The following TMEM278 variants were observed in gnomAD, a reference collection of about 807,000 sequenced individuals.
TMEM278 encodes the protein transmembrane protein 278.
the TMEM278 span, chr1:1,427,683 G>A: frequency 2.3e-6 from 3 of 1,331,156 alleles, no homozygotes; most frequent in Admixed American, 3.2e-5. Flanking sequence ...CGCCCGCCTA[G>A]CCCGGCGCCT....
At chr1:1,426,840 C>T in the TMEM278 span, among the ~76,000 whole-genome samples, 13 of 152,022 alleles carry the variant, frequency 8.6e-5, no homozygotes, top group African/African-American at 2.9e-4. Context: ...TCTGCTGGCA[C>T]GGGGGCTGGC....
the TMEM278 span, among the ~76,000 whole-genome samples, chr1:1,426,926 C>T: frequency 6.6e-6 from 1 of 151,844 alleles, no homozygotes; most frequent in Non-Finnish European, 1.5e-5. Context: ...CTGAGCCTCC[C>T]CTCAAGGGAC....
At chr1:1,426,096 C>T in the TMEM278 span, 17 of 1,358,866 alleles carry the variant, frequency 1.3e-5, no homozygotes, top group Non-Finnish European at 1.6e-5. Context: ...CATTGAGCAC[C>T]GCCCGGGCCA....
At chr1:1,428,200 A>AAGGGC in the TMEM278 span, among the ~76,000 whole-genome samples, 12 of 136,570 alleles carry the variant, frequency 8.8e-5, no homozygotes, top group Non-Finnish European at 1.6e-4. Flanking sequence ...GAGGGGAGGG[A>AAGGGC]AGGGCAGGGC....
At chr1:1,427,123 C>T in the TMEM278 span, among the ~76,000 whole-genome samples, 2 of 147,934 alleles carry the variant, frequency 1.4e-5, no homozygotes, top group African/African-American at 2.5e-5. Flanking sequence ...GCCCCTCTAC[C>T]GCCCCGCCCC....
At chr1:1,426,983 C>T in the TMEM278 span, among the ~76,000 whole-genome samples, 5 of 151,610 alleles carry the variant, frequency 3.3e-5, no homozygotes, top group Non-Finnish European at 7.4e-5. Context: ...CTGTTCACCC[C>T]TCAGCACTGC....
At chr1:1,426,241 C>G in the TMEM278 span, 3 of 1,478,290 alleles carry the variant, frequency 2.0e-6, no homozygotes, top group Non-Finnish European at 1.8e-6. Context: ...CCCTGACGTG[C>G]CCAGGGTGGT....
At chr1:1,427,543 C>A in the TMEM278 span, 4 of 1,127,694 alleles carry the variant, frequency 3.5e-6, no homozygotes, top group Non-Finnish European at 4.3e-6. Context: ...GACGGCCCGC[C>A]CGGCCCCCAG....
chr1:1,427,613 G>A, the TMEM278 span: 2 of 1,304,440 alleles, frequency 1.5e-6, no homozygotes, highest in Non-Finnish European at 9.7e-7. Flanking sequence ...GCTCCGCGGC[G>A]CTCATCGTGT....
At chr1:1,426,202 C>A in the TMEM278 span, 1 of 1,415,276 alleles carries the variant, frequency 7.1e-7, no homozygotes. Context: ...CCATGCTGCC[C>A]CGGGGACCTC....
the TMEM278 span, chr1:1,426,073 G>A: frequency 7.6e-7 from 1 of 1,316,936 alleles, no homozygotes; most frequent in East Asian, 3.1e-5. Flanking sequence ...CAGCCCTGGA[G>A]AGCACCACTC....
chr1:1,427,983 G>A, the TMEM278 span, among the ~76,000 whole-genome samples: 3 of 139,870 alleles, frequency 2.1e-5, no homozygotes, highest in African/African-American at 8.0e-5. Context: ...GGAAGAGAGG[G>A]GAGGGGAGGG....
At chr1:1,428,441 G>A in the TMEM278 span, among the ~76,000 whole-genome samples, 4 of 152,038 alleles carry the variant, frequency 2.6e-5, no homozygotes, top group Non-Finnish European at 2.9e-5. Context: ...GGCTCTCTCC[G>A]GGAGACACTA....
At chr1:1,427,777 C>T in the TMEM278 span, 2 of 1,369,900 alleles carry the variant, frequency 1.5e-6, no homozygotes, top group Non-Finnish European at 1.9e-6. Context: ...CAACTCTGCG[C>T]CTGGGTGTGA....
the TMEM278 span, chr1:1,427,922 C>A: frequency 1.4e-6 from 1 of 726,668 alleles, no homozygotes; most frequent in Non-Finnish European, 1.8e-6. Context: ...GGCTTACGAC[C>A]CCGGCCTCCC....
At chr1:1,426,173 G>T in the TMEM278 span, 1 of 1,418,254 alleles carries the variant, frequency 7.1e-7, no homozygotes, top group Admixed American at 3.0e-5. Flanking sequence ...GGGGGGAGGT[G>T]GTGCTTCCGA....
chr1:1,426,340 G>A, the TMEM278 span: 11 of 1,445,870 alleles, frequency 7.6e-6, no homozygotes, highest in Non-Finnish European at 9.1e-6. Flanking sequence ...TGGTGCTCCT[G>A]CCCGCGGCCG....
At chr1:1,427,964 CAGGGG>C in the TMEM278 span, among the ~76,000 whole-genome samples, 2 of 82,456 alleles carry the variant, frequency 2.4e-5, no homozygotes, top group African/African-American at 4.6e-5. Context: ...CCACGGAGGG[CAGGGG>C]AGGGGAAGAG....
At chr1:1,427,995 A>AAGAGAGGGGAGGGGAGGGGG in the TMEM278 span, among the ~76,000 whole-genome samples, 1 of 20,324 alleles carries the variant, frequency 4.9e-5, no homozygotes, top group African/African-American at 1.2e-4. Flanking sequence ...AGGGGAGGGG[A>AAGAGAGGGGAGGGGAGGGGG]AGAGAGGGGA....
Sources: gnomAD v4.1 joint callset for allele counts (sites outside exome capture counted in the v4.1 genomes callset) on GRCh38, gnomAD v4.1.1 for gene constraint, MANE v1.5 for transcripts, NCBI Gene and HGNC (gene_info 2026-07-23, HGNC 2026-07-21) for gene names.